The following DGKD variants were observed in gnomAD, a reference collection of about 807,000 sequenced individuals.
The protein encoded by DGKD is diacylglycerol kinase delta, also known as DAG kinase delta.
DGKD carries 68 observed loss-of-function variants against 154.4 expected under a neutral mutation model. That is an observed-to-expected ratio of 0.44 (90% CI 0.36 to 0.54). The LOEUF is 0.54. DGKD is among the 20% of genes least tolerant of loss of function. DGKD has a pLI of 0.00. For missense variants in DGKD, 1,343 were observed against 1,593.6 expected, an observed-to-expected ratio of 0.84 and a Z score of 2.68; for synonymous variants, 693 against 638.0, an observed-to-expected ratio of 1.09 and a Z score of -1.30.
At chr2:233,443,001 C>T (rs1383211352) in intron 10 of DGKD, among the ~76,000 whole-genome samples, 1 of 152,186 alleles carries the variant, frequency 6.6e-6, no homozygotes, top group East Asian at 1.9e-4. Flanking sequence ...ACTGGACACA[C>T]CCGGGAGCCC....
intron 1 of DGKD, among the ~76,000 whole-genome samples, chr2:233,385,005 G>A (rs1703096999): frequency 6.6e-6 from 1 of 152,168 alleles, no homozygotes; most frequent in African/African-American, 2.4e-5. Context: ...CTGAGCTCCT[G>A]GCCATGCAGC....
chr2:233,369,629 T>C (rs144029524), intron 1 of DGKD, among the ~76,000 whole-genome samples: 1 of 152,330 alleles, frequency 6.6e-6, no homozygotes, highest in East Asian at 1.9e-4. Context: ...GTTCCTTGAA[T>C]GGCGTTTGCC....
chr2:233,418,190 G>GC (rs2062009078), intron 3 of DGKD, among the ~76,000 whole-genome samples: 1 of 152,142 alleles, frequency 6.6e-6, no homozygotes, highest in Non-Finnish European at 1.5e-5. Context: ...TACTTCACCA[G>GC]CCCCCTGTCT....
At chr2:233,371,326 G>C (rs996733820) in intron 1 of DGKD, among the ~76,000 whole-genome samples, 1 of 152,000 alleles carries the variant, frequency 6.6e-6, no homozygotes. Flanking sequence ...TATGTTTATT[G>C]ACCATTTGTA....
intron 10 of DGKD, chr2:233,442,489 G>A: frequency 3.6e-6 from 1 of 279,528 alleles, no homozygotes. Context: ...GCCTCCCCAG[G>A]TGATCAGCCA....
intron 3 of DGKD, among the ~76,000 whole-genome samples, chr2:233,418,902 G>T (rs2062029462): frequency 6.6e-6 from 1 of 152,230 alleles, no homozygotes; most frequent in Admixed American, 6.5e-5. Context: ...TGGGCACTCA[G>T]GCTCTTTCTA....
chr2:233,447,149 G>A (rs1480280743), intron 12 of DGKD, among the ~76,000 whole-genome samples: 5 of 150,250 alleles, frequency 3.3e-5, no homozygotes, highest in East Asian at 4.0e-4. Context: ...CGGTGCCCAC[G>A]TGCCTGGAAT....
At chr2:233,439,455 C>T (rs1457998632) in intron 9 of DGKD, among the ~76,000 whole-genome samples, 1 of 152,256 alleles carries the variant, frequency 6.6e-6, no homozygotes, top group East Asian at 1.9e-4. Flanking sequence ...GGCAGCATTC[C>T]AGCCTGCTTC....
Position 233,429,286 on chromosome 2 carries a change from G to A in DGKD, c.349-5094G>A, listed in dbSNP as rs528654582. The A allele has an allele frequency of 7.3e-5, 72 of 985,238 alleles. No individual in the cohort carries two copies. The African/African-American group carries it at 8.2e-4, about 11-fold the overall frequency. 61.0% of individuals were successfully genotyped at this position (985,238 alleles called of 1,614,324 possible). A position where few individuals can be genotyped will look rare whatever the true frequency, so the allele number is the denominator to read the frequency against. On this transcript the variant is annotated intron_variant, in intron 3 of 29. Transcript: ENST00000264057. ...TTGCATGACTCCTAATATAATCCCC[G>A]AGTTATGCACAGTAAGGTATATTAT...
intron 3 of DGKD, among the ~76,000 whole-genome samples, chr2:233,411,284 T>C (rs1215827060): frequency 1.3e-5 from 2 of 152,214 alleles, no homozygotes; most frequent in Admixed American, 1.3e-4. Context: ...TCTGAAGTGG[T>C]GATCCAATTT....
intron 3 of DGKD, among the ~76,000 whole-genome samples, chr2:233,422,992 T>C (rs936996887): frequency 7.2e-5 from 11 of 152,242 alleles, no homozygotes; most frequent in African/African-American, 2.7e-4. Context: ...TTTCAAGATG[T>C]GATATAAATG....
chr2:233,467,083 C>T lies in DGKD; in HGVS notation c.3307-3C>T. On this transcript the variant is annotated splice_region_variant and splice_polypyrimidine_tract_variant and intron_variant, in intron 27 of 29. Transcript: ENST00000264057. ...TCTCAGTATTCCTCATTCTCCCCAA[C>T]AGAGTGTGATGCTGGATCTTGCCAA... 6.2e-7 allele frequency: 1 copy of T among 1,610,264 alleles called. No homozygotes were observed. The highest frequency in any genetic ancestry group is 8.5e-7 in the Non-Finnish European group (1 of 1,176,432).
At chr2:233,384,059 T>G (rs1703038186) in intron 1 of DGKD, among the ~76,000 whole-genome samples, 2 of 152,138 alleles carry the variant, frequency 1.3e-5, no homozygotes, top group South Asian at 4.1e-4. Flanking sequence ...TAACAGTATG[T>G]ACAGTATGGA....
rs973091665 is a variant in DGKD, at chr2:233,471,950, C to T, written c.*2490C>T. 3 of 152,410 alleles carry T rather than the reference C, an allele frequency of 2.0e-5. No homozygotes were observed. Among genetic ancestry groups the T allele is most frequent in the Admixed American group, 6.5e-5 (1 of 15,292 alleles). The allele number at this position is 152,410 out of a possible 1,614,324, so 9.4% of individuals were successfully genotyped here. ...AAAGGTTCTGTGCCCTCAGGTGGGG[C>T]TTACCCCCTCGTATTTATAATCTTA... is the stretch of plus-strand genomic sequence containing the variant. On this transcript the variant is annotated 3_prime_UTR_variant, in exon 30 of 30. Coordinates refer to ENST00000264057, the MANE Select transcript of DGKD (RefSeq NM_152879.3).
chr2:233,385,277 G>A (rs1417419214), intron 1 of DGKD, among the ~76,000 whole-genome samples: 2 of 152,160 alleles, frequency 1.3e-5, no homozygotes, highest in African/African-American at 2.4e-5. Flanking sequence ...TATGTCTGTC[G>A]GGTCAGTGGG....
intron 1 of DGKD, among the ~76,000 whole-genome samples, chr2:233,369,952 T>G (rs1056736346): frequency 6.6e-6 from 1 of 152,202 alleles, no homozygotes; most frequent in Non-Finnish European, 1.5e-5. Flanking sequence ...TGCTTTGTCC[T>G]TATAGAATGA....
At chr2:233,465,515 G>GC (rs1242859079) in intron 27 of DGKD, among the ~76,000 whole-genome samples, 1 of 152,156 alleles carries the variant, frequency 6.6e-6, no homozygotes, top group African/African-American at 2.4e-5. Context: ...ACTTTGGAAG[G>GC]CCAAGGTGGG....
In DGKD at chr2:233,368,863, A is replaced by C. The variant is rs536110955; in HGVS notation, c.156+14189A>C. On this transcript the variant is annotated intron_variant, in intron 1 of 29. Coordinates refer to ENST00000264057, the MANE Select transcript of DGKD (RefSeq NM_152879.3). ...GCTTGCTATGTTGCGATCTGTTTTC[A>C]TCTTCTGGATAGAGTCCTGGAGCTG... 2.6e-5 allele frequency among the ~76,000 whole-genome samples: 4 copies of C among 152,262 alleles called. No individual in the cohort carries two copies. In the South Asian group the frequency reaches 6.2e-4, roughly 24 times the overall value.
In DGKD at chr2:233,441,165, TG is replaced by T. The variant is rs910533471; in HGVS notation, c.1086-721del. Among the ~76,000 whole-genome samples the T allele has an allele frequency of 7.4e-6, 1 of 135,726 alleles. No individual in the cohort carries two copies. The highest frequency in any genetic ancestry group is 2.6e-5 in the African/African-American group (1 of 39,138). 89.0% of individuals were successfully genotyped at this position (135,726 alleles called of 152,430 possible). ...GGTCACACAGGAAGAGGATGAGGAG[TG>T]AGCAGAAGCGGCACTGGTCTCCTGA... On this transcript the variant is annotated intron_variant, in intron 9 of 29. Coordinates refer to ENST00000264057, the MANE Select transcript of DGKD (RefSeq NM_152879.3). This position sits in a 1 kb window ranked among gnomAD's most constrained non-coding sequence, Gnocchi z 5.6.
Sources: allele counts gnomAD v4.1 joint callset (sites outside exome capture counted in the v4.1 genomes callset), GRCh38; gene constraint gnomAD v4.1.1; non-coding constraint Gnocchi (gnomAD v3.1); transcripts MANE v1.5; gene names NCBI Gene and HGNC (gene_info 2026-07-23, HGNC 2026-07-21).